FSTL5: variants seen among roughly 807,000 people sequenced by gnomAD.
FSTL5 encodes the protein follistatin like 5.
In FSTL5, 62 loss-of-function variants were observed where a neutral mutation model predicts 89.1. That is an observed-to-expected ratio of 0.70 (90% confidence interval 0.57 to 0.86). The LOEUF is 0.86. FSTL5 is among the 40% of genes least tolerant of loss of function. FSTL5 has a pLI of 0.00. For missense variants in FSTL5, 1,057 were observed against 1,001.6 expected, an observed-to-expected ratio of 1.06 and a Z score of -0.75; for synonymous variants, 383 against 346.2, an observed-to-expected ratio of 1.11 and a Z score of -1.18.
intron 4 of FSTL5, among the ~76,000 whole-genome samples, chr4:161,841,230 G>C (rs939286379): frequency 6.6e-6 from 1 of 152,126 alleles, no homozygotes; most frequent in African/African-American, 2.4e-5. Context: ...GCCAGAATCT[G>C]ATTGATTCAC....
chr4:162,022,802 T>G (rs1737138926), intron 3 of FSTL5: 1 of 152,124 alleles, frequency 6.6e-6, no homozygotes, highest in African/African-American at 2.4e-5. Flanking sequence ...AGGTCATATC[T>G]TAAATGAAAC....
At chr4:162,019,703 G>A (rs1381637768) in intron 3 of FSTL5, among the ~76,000 whole-genome samples, 1 of 151,174 alleles carries the variant, frequency 6.6e-6, no homozygotes, top group African/African-American at 2.4e-5. Flanking sequence ...ATACAAAAGT[G>A]GATTTCTTGG....
intron 6 of FSTL5, among the ~76,000 whole-genome samples, chr4:161,673,199 C>A (rs1737181234): frequency 6.6e-6 from 1 of 151,980 alleles, no homozygotes; most frequent in African/African-American, 2.4e-5. Flanking sequence ...TTATAATGCA[C>A]ATGATTCCGC....
At chr4:162,098,770 A>G (rs568645415) in intron 2 of FSTL5, among the ~76,000 whole-genome samples, 17 of 152,210 alleles carry the variant, frequency 1.1e-4, no homozygotes, top group African/African-American at 3.8e-4. Flanking sequence ...ATAAAATCAC[A>G]TAAATATAAC....
rs149310632 is a variant in FSTL5, at chr4:162,048,161, T to C, written c.127-14503A>G. On this transcript the variant is annotated intron_variant, in intron 2 of 15. Coordinates refer to ENST00000306100, the MANE Select transcript of FSTL5 (RefSeq NM_020116.5). ...GGACAACATGGTGAAAACCCATCTC[T>C]ACTAAAAATACAAAAATTAGCTGGG... Among the ~76,000 whole-genome samples, 17 of 152,068 alleles carry C rather than the reference T, an allele frequency of 1.1e-4. No individual in the cohort carries two copies. The East Asian group carries it at 2.2e-3, about 19-fold the overall frequency.
chr4:161,858,689 T>C (rs1449205424), intron 4 of FSTL5, among the ~76,000 whole-genome samples: 1 of 152,218 alleles, frequency 6.6e-6, no homozygotes, highest in East Asian at 1.9e-4. Context: ...AGCTCTGCAC[T>C]GTGAATAAAG....
At chr4:161,950,704 AGCCTACAATGGGCTCTAAGT>A (rs1188611974) in intron 3 of FSTL5, among the ~76,000 whole-genome samples, 1 of 152,130 alleles carries the variant, frequency 6.6e-6, no homozygotes, top group Non-Finnish European at 1.5e-5. Context: ...ACCTGTTCTC[AGCCTACAATGGGCTCTAAGT>A]GCCTCAAGGA....
intron 2 of FSTL5, among the ~76,000 whole-genome samples, chr4:162,050,161 T>C (rs1460020634): frequency 6.6e-6 from 1 of 151,748 alleles, no homozygotes; most frequent in East Asian, 1.9e-4. Context: ...CGCAAGTGAA[T>C]ACACAATCTA....
intron 2 of FSTL5, among the ~76,000 whole-genome samples, chr4:162,065,841 C>T (rs188082312): frequency 3.3e-5 from 5 of 151,986 alleles, no homozygotes; most frequent in Admixed American, 1.3e-4. Context: ...TATGAAATGA[C>T]GGTCTTTATC....
chr4:162,076,837 G>A (rs1394998082), intron 2 of FSTL5, among the ~76,000 whole-genome samples: 2 of 151,654 alleles, frequency 1.3e-5, no homozygotes, highest in Non-Finnish European at 2.9e-5. Context: ...CAAAAAAATC[G>A]CTTGTACAAT....
intron 4 of FSTL5, among the ~76,000 whole-genome samples, chr4:161,850,006 G>A (rs1228129043): frequency 6.6e-6 from 1 of 152,080 alleles, no homozygotes; most frequent in African/African-American, 2.4e-5. Flanking sequence ...AAATGGAATT[G>A]CTTGATGTTA....
intron 2 of FSTL5, among the ~76,000 whole-genome samples, chr4:162,069,831 CAATGGTGCTGTAATA>C (rs1270971900): frequency 6.6e-6 from 1 of 151,866 alleles, no homozygotes; most frequent in Non-Finnish European, 1.5e-5. Context: ...TAGCCTTTGT[CAATGGTGCTGTAATA>C]AACATGGGAA....
intron 2 of FSTL5, among the ~76,000 whole-genome samples, chr4:162,066,299 TTTCTTCTTC>T (rs1222795843): frequency 7.1e-5 from 5 of 70,154 alleles, no homozygotes; most frequent in African/African-American, 2.7e-4. Context: ...TCCTCCTACT[TTTCTTCTTC>T]TTCTTCTTCT....
At chr4:161,898,662 C>T (rs1383877875) in intron 4 of FSTL5, among the ~76,000 whole-genome samples, 1 of 141,560 alleles carries the variant, frequency 7.1e-6, no homozygotes, top group Non-Finnish European at 1.5e-5. Flanking sequence ...CGGAGTCTCA[C>T]TCTGTCGCCC....
chr4:162,112,801 A>G (rs1321752354), intron 1 of FSTL5, among the ~76,000 whole-genome samples: 2 of 151,222 alleles, frequency 1.3e-5, no homozygotes, highest in Non-Finnish European at 2.9e-5. Context: ...ACACACACAC[A>G]CACACACACA....
chr4:161,717,652 G>A (rs1031537914), intron 6 of FSTL5, among the ~76,000 whole-genome samples: 3 of 152,058 alleles, frequency 2.0e-5, no homozygotes, highest in African/African-American at 4.8e-5. Flanking sequence ...CTAGATGTGG[G>A]TTAAGTAAAC....
chr4:161,432,768 A>G (rs1406112430), intron 15 of FSTL5, among the ~76,000 whole-genome samples: 2 of 152,028 alleles, frequency 1.3e-5, no homozygotes, highest in East Asian at 1.9e-4. Context: ...GATAGCACAG[A>G]AATTCAAAGG....
chr4:161,826,514 A>G (rs1730674634), intron 4 of FSTL5, among the ~76,000 whole-genome samples: 1 of 152,080 alleles, frequency 6.6e-6, no homozygotes, highest in South Asian at 2.1e-4. Flanking sequence ...TTGTGTTGCC[A>G]TCTATCTCAT....
At chr4:161,502,992 T>C (rs1730351032) in intron 11 of FSTL5, among the ~76,000 whole-genome samples, 1 of 151,636 alleles carries the variant, frequency 6.6e-6, no homozygotes, top group Non-Finnish European at 1.5e-5. Flanking sequence ...TTGACAAGTG[T>C]AGGGATGAGA....
Sources: gnomAD v4.1 joint callset for allele counts (sites outside exome capture counted in the v4.1 genomes callset) on GRCh38, gnomAD v4.1.1 for gene constraint, MANE v1.5 for transcripts, NCBI Gene and HGNC (gene_info 2026-07-23, HGNC 2026-07-21) for gene names.